Variants in CNTN4 observed in about 807,000 individuals in gnomAD.
The protein encoded by CNTN4 is contactin 4.
In CNTN4, 77 loss-of-function variants were observed where a neutral mutation model predicts 122.5. The ratio of observed to expected loss-of-function variants is 0.63; its 90% CI spans 0.52 to 0.76. The LOEUF is 0.76. Ranked by LOEUF, CNTN4 falls within the 30% of genes least tolerant of loss-of-function variation. CNTN4 has a pLI of 0.00. For missense variants in CNTN4, 1,256 were observed against 1,259.1 expected (o/e 1.00, Z 0.04); for synonymous variants, 512 against 447.0 (o/e 1.15, Z -1.83).
At chr3:2,210,257 T>G (rs1340149620) in intron 2 of CNTN4, among the ~76,000 whole-genome samples, 3 of 152,202 alleles carry the variant, frequency 2.0e-5, no homozygotes, top group Non-Finnish European at 4.4e-5. Flanking sequence ...CAAGCCATGA[T>G]TACATGGAAA....
At chr3:2,131,440 T>C (rs1213315425) in intron 2 of CNTN4, among the ~76,000 whole-genome samples, 8 of 152,200 alleles carry the variant, frequency 5.3e-5, no homozygotes. Flanking sequence ...GCAACACTTC[T>C]TTGATAGTCT....
chr3:2,925,848 C>A (rs1040622395), intron 13 of CNTN4, 69 bp downstream of exon 13: 1 of 1,386,092 alleles, frequency 7.2e-7, no homozygotes, highest in Non-Finnish European at 1.0e-6. Context: ...ATTAATAATT[C>A]TAAGGGGAAG....
intron 13 of CNTN4, among the ~76,000 whole-genome samples, chr3:2,969,666 T>C (rs987044468): frequency 2.6e-5 from 4 of 152,112 alleles, no homozygotes; most frequent in African/African-American, 9.7e-5. Flanking sequence ...CACACAGCCT[T>C]TTATATAGCA....
intron 9 of CNTN4, among the ~76,000 whole-genome samples, chr3:2,886,551 G>T (rs373453102): frequency 7.2e-6 from 1 of 138,004 alleles, no homozygotes; most frequent in South Asian, 2.3e-4. Flanking sequence ...TCGCTCTGTC[G>T]CCCAGGCTGG....
rs375518364 is a variant in CNTN4, at chr3:2,694,397, C to G, written c.56-41818C>G. ...ATCTAGAGTTTCTCTAAAGCAGAGT[C>G]TGTGTTCTATACTTCTTTACATTCC... On this transcript the variant is annotated intron_variant, in intron 4 of 24. Transcript: ENST00000418658. 2.1e-4 allele frequency among the ~76,000 whole-genome samples: 32 copies of G among 152,332 alleles called. No individual in the cohort carries two copies. The East Asian group carries it at 5.4e-3, about 26-fold the overall frequency.
At chr3:2,882,073 A>C (rs1322473261) in intron 8 of CNTN4, among the ~76,000 whole-genome samples, 8 of 152,082 alleles carry the variant, frequency 5.3e-5, no homozygotes, top group Non-Finnish European at 1.2e-4. Flanking sequence ...ATAAGAAATA[A>C]TTGATAAGGC....
intron 4 of CNTN4, among the ~76,000 whole-genome samples, chr3:2,573,204 T>C (rs2079504819): frequency 6.6e-6 from 1 of 152,248 alleles, no homozygotes; most frequent in Non-Finnish European, 1.5e-5. Flanking sequence ...TCTGAGATTT[T>C]TGTTTTCATT....
At position 2,887,096 on chromosome 3, in the gene CNTN4, C is replaced by G. The variant is rs370397075; in HGVS notation, c.812C>G (p.Ala271Gly). Residue 271 changes from alanine to glycine, a missense_variant, in exon 10 of 25, where the codon GCC becomes GGC. Physicochemically the swap from Ala to Gly is moderately conservative, Grantham distance 60. Coordinates refer to ENST00000418658, the MANE Select transcript of CNTN4 (RefSeq NM_175607.3). Reference protein sequence around the residue: ...RADGKPIARKARRHKSNGILE... With the variant: ...RADGKPIARKGRRHKSNGILE... ...GATGGAAAGCCAATAGCAAGGAAAG[C>G]CAGAAGACACAAGTCAAATGGAATT... 2.0e-5 allele frequency: 33 copies of G among 1,613,920 alleles called. No individual in the cohort carries two copies. The highest frequency in any genetic ancestry group is 1.2e-4 in the African/African-American group (9 of 74,914).
At chr3:2,880,608 C>G (rs2093896824) in intron 8 of CNTN4, among the ~76,000 whole-genome samples, 1 of 152,126 alleles carries the variant, frequency 6.6e-6, no homozygotes, top group African/African-American at 2.4e-5. Context: ...GACTCAGGGG[C>G]AAGAGAACTC....
At chr3:2,171,293 T>C (rs1356794881) in intron 2 of CNTN4, among the ~76,000 whole-genome samples, 1 of 152,184 alleles carries the variant, frequency 6.6e-6, no homozygotes, top group Non-Finnish European at 1.5e-5. Context: ...TGTATGGACC[T>C]GGAAAAATGC....
At chr3:2,950,173 C>G (rs9874059) in intron 13 of CNTN4, among the ~76,000 whole-genome samples, 7,190 of 152,276 alleles carry the variant, frequency 0.047, 579 homozygotes, top group African/African-American at 0.16. Context: ...CCAGAGAGCC[C>G]TGTTTCCTCG....
At chr3:2,483,092 G>C (rs921125499) in intron 3 of CNTN4, among the ~76,000 whole-genome samples, 15 of 152,194 alleles carry the variant, frequency 9.9e-5, no homozygotes, top group Middle Eastern at 3.2e-3. Flanking sequence ...GCAGCCAGGA[G>C]GGGTGCTATA....
rs185239078 is a variant in CNTN4 at position 2,956,593 on chromosome 3, A to C, written c.1358+30814A>C. 5.9e-3 allele frequency among the ~76,000 whole-genome samples: 893 copies of C among 152,164 alleles called. 8 individuals carry two copies. The highest frequency in any genetic ancestry group is 0.021 in the African/African-American group (864 of 41,522). On this transcript the variant is annotated intron_variant, in intron 13 of 24. Transcript: ENST00000418658. ...TATTTTTAATAGGTAAATGATGCTA[A>C]TTTTATTTCTTATTTTTAATTATTT...
intron 6 of CNTN4, among the ~76,000 whole-genome samples, chr3:2,756,872 A>G (rs2090361953): frequency 6.6e-6 from 1 of 152,200 alleles, no homozygotes; most frequent in Non-Finnish European, 1.5e-5. Flanking sequence ...TCGGGTATCT[A>G]GCTTCCAGAA....
chr3:3,006,774 G>A (rs1337286207), intron 14 of CNTN4, among the ~76,000 whole-genome samples: 1 of 152,146 alleles, frequency 6.6e-6, no homozygotes, highest in Non-Finnish European at 1.5e-5. Flanking sequence ...CTATACCATG[G>A]AACAATTAAT....
chr3:2,756,290 G>A (rs2090336711), intron 6 of CNTN4, among the ~76,000 whole-genome samples: 1 of 152,168 alleles, frequency 6.6e-6, no homozygotes, highest in Non-Finnish European at 1.5e-5. Flanking sequence ...CTTTGGTGGT[G>A]ATTAGGTCAT....
intron 2 of CNTN4, among the ~76,000 whole-genome samples, chr3:2,193,726 G>A (rs1371011550): frequency 6.6e-6 from 1 of 152,084 alleles, no homozygotes; most frequent in Non-Finnish European, 1.5e-5. Context: ...CATCACATAT[G>A]CATGACTATG....
intron 6 of CNTN4, among the ~76,000 whole-genome samples, chr3:2,780,946 C>G (rs570472760): frequency 2.7e-4 from 41 of 152,182 alleles, no homozygotes; most frequent in South Asian, 4.2e-4. Context: ...ATATTTTGTT[C>G]TACATTTAAA....
At chr3:2,138,970 T>C (rs543766054) in intron 2 of CNTN4, among the ~76,000 whole-genome samples, 3 of 152,172 alleles carry the variant, frequency 2.0e-5, no homozygotes, top group African/African-American at 7.2e-5. Flanking sequence ...AGTTTGTATG[T>C]GTATGGTTTT....
Sources: gnomAD v4.1 joint callset for allele counts (sites outside exome capture counted in the v4.1 genomes callset) on GRCh38, gnomAD v4.1.1 for gene constraint, MANE v1.5 for transcripts, NCBI Gene and HGNC (gene_info 2026-07-23, HGNC 2026-07-21) for gene names.